POC1B: variants seen among roughly 807,000 people sequenced by gnomAD.
The protein encoded by POC1B is POC1 centriolar protein B.
Under a neutral mutation model 60.6 loss-of-function variants are expected in POC1B, and 44 were observed. The observed-to-expected ratio is 0.73, with a 90% CI of 0.57 to 0.93. The LOEUF (loss-of-function observed/expected upper bound fraction) is 0.93, where lower values mean the gene tolerates loss of function less well. Ranked by LOEUF, POC1B falls within the 40% of genes least tolerant of loss-of-function variation. POC1B has a pLI of 0.00. For synonymous variants in POC1B, 180 were observed against 198.9 expected, an observed-to-expected ratio of 0.90 and a Z score of 0.80; for missense variants, 555 against 572.3, an observed-to-expected ratio of 0.97 and a Z score of 0.31.
intron 9 of POC1B, among the ~76,000 whole-genome samples, chr12:89,464,903 A>G (rs182851069): frequency 6.6e-6 from 1 of 152,116 alleles, no homozygotes; most frequent in Non-Finnish European, 1.5e-5. Context: ...AAAGTGTTTT[A>G]CAAAAGCAAG....
intron 10 of POC1B, among the ~76,000 whole-genome samples, chr12:89,455,927 A>G (rs572361357): frequency 2.0e-5 from 3 of 152,160 alleles, no homozygotes; most frequent in Non-Finnish European, 4.4e-5. Context: ...GAATTTAAGA[A>G]TTTTCCTAAA....
At position 89,472,278 on chromosome 12, in the gene POC1B, A is replaced by T; in HGVS notation, c.453-3T>A. Reference sequence around the variant, plus strand: ...TTAGTCTTCCATCGGGTGAAAATCTAGAAAGAAGAAGAAAGAAGATGTTTT... The same window carrying T: ...TTAGTCTTCCATCGGGTGAAAATCTTGAAAGAAGAAGAAAGAAGATGTTTT... On this transcript the variant is annotated splice_polypyrimidine_tract_variant and splice_region_variant and intron_variant, in intron 4 of 11. Coordinates refer to ENST00000313546, the MANE Select transcript of POC1B (RefSeq NM_172240.3). 1 of 406,572 alleles carries T rather than the reference A, an allele frequency of 2.5e-6. No homozygotes were observed. Among genetic ancestry groups the T allele is most frequent in the Non-Finnish European group, 3.3e-6 (1 of 304,722 alleles). The allele number at this position is 406,572 out of a possible 1,614,324, so 25.2% of individuals were successfully genotyped here.
At chr12:89,461,017 C>T (rs965407340) in intron 9 of POC1B, 1 of 152,078 alleles carries the variant, frequency 6.6e-6, no homozygotes, top group Non-Finnish European at 1.5e-5. Context: ...AAAGAAGAAA[C>T]TATTGACTGA....
chr12:89,433,093 G>T (rs1258004623), intron 10 of POC1B, among the ~76,000 whole-genome samples: 3 of 152,174 alleles, frequency 2.0e-5, no homozygotes, highest in African/African-American at 4.8e-5. Flanking sequence ...GGAAGAGTGG[G>T]GATGAATGCT....
chr12:89,502,812 G>A, intron 2 of POC1B: 1 of 1,328,372 alleles, frequency 7.5e-7, no homozygotes, highest in African/African-American at 1.5e-5. Flanking sequence ...GACCTTTCGT[G>A]TACTTTACAC....
chr12:89,498,339 G>C (rs961577849), intron 2 of POC1B, among the ~76,000 whole-genome samples: 2 of 152,150 alleles, frequency 1.3e-5, no homozygotes, highest in Admixed American at 1.3e-4. Context: ...ACAAATGAAA[G>C]GTAGATCTAA....
chr12:89,502,243 G>A lies in POC1B; in HGVS notation c.101-4901C>T, dbSNP rs999384114. 4 of 1,335,884 alleles carry A rather than the reference G, an allele frequency of 3.0e-6. No individual in the cohort carries two copies. The South Asian group carries it at 4.9e-5, about 16-fold the overall frequency. 82.8% of individuals were successfully genotyped at this position (1,335,884 alleles called of 1,614,324 possible). ...TGAGGAAGTTCCTGGAAGTTCAGATGACTCAAAACGAACTAAAGTGATACC... is the reference window on the plus strand; with the variant it reads ...TGAGGAAGTTCCTGGAAGTTCAGATAACTCAAAACGAACTAAAGTGATACC... On this transcript the variant is annotated intron_variant, in intron 2 of 11. Transcript: ENST00000313546.
intron 4 of POC1B, among the ~76,000 whole-genome samples, chr12:89,486,397 G>A: frequency 6.6e-6 from 1 of 152,212 alleles, no homozygotes; most frequent in East Asian, 1.9e-4. Flanking sequence ...GTGGAAGCAG[G>A]GGGCGTCCCA....
At position 89,425,209 on chromosome 12, in the gene POC1B, C is replaced by A; in HGVS notation, c.1284G>T (p.Val428=). 6.2e-7 allele frequency: 1 copy of A among 1,614,162 alleles called. No homozygotes were observed. Among genetic ancestry groups the A allele is most frequent in the South Asian group, 1.1e-5 (1 of 91,082 alleles). Residue 428 remains valine (V), a synonymous_variant, in exon 11 of 12, where the codon GTG becomes GTT. Transcript: ENST00000313546. ...CESQRSIPLA[V]TDALEHIMEQ... is the part of the protein sequence containing the mutation. Reference sequence around the variant, plus strand: ...CCATAATATGCTCTAAAGCATCAGTCACAGCGAGAGGTATGCTCCTTTGAC... The same window carrying A: ...CCATAATATGCTCTAAAGCATCAGTAACAGCGAGAGGTATGCTCCTTTGAC...
intron 6 of POC1B, 27 bp from the exon 7 acceptor site, chr12:89,470,521 A>T (rs1882849470): frequency 1.3e-6 from 2 of 1,534,292 alleles, no homozygotes; most frequent in Admixed American, 3.5e-5. Flanking sequence ...AAAAGCAAAA[A>T]GTTCAGAGAA....
At chr12:89,480,762 G>A (rs1296404556) in intron 4 of POC1B, among the ~76,000 whole-genome samples, 4 of 151,904 alleles carry the variant, frequency 2.6e-5, no homozygotes, top group Non-Finnish European at 5.9e-5. Context: ...CACCTCACCC[G>A]GCTAATTTTT....
intron 4 of POC1B, 78 bp from the exon 5 acceptor site, chr12:89,472,353 A>C (rs1882933510): frequency 1.1e-6 from 1 of 921,668 alleles, no homozygotes; most frequent in African/African-American, 1.7e-5. Context: ...CCACAAATAA[A>C]CCAGGCTGTA....
intron 8 of POC1B, 70 bp from the exon 9 acceptor site, chr12:89,466,992 C>G: frequency 7.5e-7 from 1 of 1,332,894 alleles, no homozygotes. Context: ...GATTTTAAAA[C>G]CCACAATATA....
chr12:89,495,557 A>G (rs554393061), intron 3 of POC1B, among the ~76,000 whole-genome samples: 2 of 152,244 alleles, frequency 1.3e-5, no homozygotes, highest in East Asian at 3.9e-4. Flanking sequence ...GTCACAGACT[A>G]CAAGTCAAAT....
chr12:89,516,881 CTG>C (rs1870465988), intron 2 of POC1B, among the ~76,000 whole-genome samples: 2 of 152,142 alleles, frequency 1.3e-5, no homozygotes. Context: ...CTTATGTCCT[CTG>C]TATGTTTTTT....
chr12:89,511,708 T>C (rs1013405734), intron 2 of POC1B, among the ~76,000 whole-genome samples: 1 of 152,004 alleles, frequency 6.6e-6, no homozygotes, highest in African/African-American at 2.4e-5. Context: ...ATGAGTTCTT[T>C]CTAAATATTT....
chr12:89,503,314 G>T (rs964085940), intron 2 of POC1B, among the ~76,000 whole-genome samples: 1 of 152,232 alleles, frequency 6.6e-6, no homozygotes, highest in Non-Finnish European at 1.5e-5. Context: ...ACGGGGTTTC[G>T]CTGTGTTGGC....
At chr12:89,431,664 A>G (rs1881036751) in intron 10 of POC1B, among the ~76,000 whole-genome samples, 1 of 152,238 alleles carries the variant, frequency 6.6e-6, no homozygotes, top group South Asian at 2.1e-4. Context: ...ATATATGCCA[A>G]TTGTTCAAGC....
chr12:89,430,508 C>T (rs929460279), intron 10 of POC1B, among the ~76,000 whole-genome samples: 2 of 152,170 alleles, frequency 1.3e-5, no homozygotes, highest in African/African-American at 2.4e-5. Flanking sequence ...AAGGAATATT[C>T]AAGATACTGT....
Sources: gnomAD v4.1 joint callset for allele counts (sites outside exome capture counted in the v4.1 genomes callset) on GRCh38, gnomAD v4.1.1 for gene constraint, MANE v1.5 for transcripts, NCBI Gene and HGNC (gene_info 2026-07-23, HGNC 2026-07-21) for gene names.